The following NAALADL2 variants were observed in gnomAD, a reference collection of about 807,000 sequenced individuals.
The protein encoded by NAALADL2 is inactive N-acetylated-alpha-linked acidic dipeptidase-like protein 2.
Under a neutral mutation model 87.2 loss-of-function variants are expected in NAALADL2, and 76 were observed. That is an observed-to-expected ratio of 0.87 (90% CI 0.72 to 1.05). NAALADL2 has a LOEUF of 1.05. Ranked by LOEUF, NAALADL2 falls within the 50% of genes least tolerant of loss-of-function variation. NAALADL2 has a pLI of 0.00. For synonymous variants in NAALADL2, 354 were observed against 331.0 expected (o/e 1.07, Z -0.75); for missense variants, 1,089 against 945.8 (o/e 1.15, Z -1.99).
At chr3:174,521,085 T>C (rs568259664) in intron 1 of NAALADL2, among the ~76,000 whole-genome samples, 1 of 152,298 alleles carries the variant, frequency 6.6e-6, no homozygotes, top group African/African-American at 2.4e-5. Flanking sequence ...GTACAACCTC[T>C]GTGCAAAACA....
intron 1 of NAALADL2, among the ~76,000 whole-genome samples, chr3:174,900,778 G>A (rs1006005520): frequency 6.6e-6 from 1 of 151,832 alleles, no homozygotes; most frequent in Admixed American, 6.6e-5. Context: ...AACATTGTAT[G>A]CATGTATTTT....
intron 2 of NAALADL2, among the ~76,000 whole-genome samples, chr3:174,617,424 T>G (rs1250562320): frequency 1.3e-5 from 2 of 151,596 alleles, no homozygotes; most frequent in Non-Finnish European, 3.0e-5. Context: ...TAAGAAAAAA[T>G]GATACATTTA....
At chr3:175,081,981 G>A (rs902738590) in intron 1 of NAALADL2, among the ~76,000 whole-genome samples, 2 of 152,094 alleles carry the variant, frequency 1.3e-5, no homozygotes, top group African/African-American at 4.8e-5. Flanking sequence ...TTTTTTCACT[G>A]AAGTCTCACA....
intron 11 of NAALADL2, among the ~76,000 whole-genome samples, chr3:175,706,411 A>C (rs1158478765): frequency 6.6e-6 from 1 of 152,186 alleles, no homozygotes; most frequent in African/African-American, 2.4e-5. Context: ...CTAATAATTA[A>C]ATAGAGCAAT....
At chr3:174,574,327 A>G (rs1007793130) in intron 2 of NAALADL2, among the ~76,000 whole-genome samples, 1 of 152,146 alleles carries the variant, frequency 6.6e-6, no homozygotes, top group Non-Finnish European at 1.5e-5. Flanking sequence ...TTTCACATAC[A>G]TTATATTTTT....
chr3:175,109,791 T>C (rs990395289), intron 2 of NAALADL2, among the ~76,000 whole-genome samples: 1 of 151,820 alleles, frequency 6.6e-6, no homozygotes, highest in Non-Finnish European at 1.5e-5. Flanking sequence ...CTTTACTAAT[T>C]TATTTGGTTT....
chr3:175,655,836 A>G (rs1242233769), intron 11 of NAALADL2, among the ~76,000 whole-genome samples: 1 of 152,166 alleles, frequency 6.6e-6, no homozygotes, highest in Non-Finnish European at 1.5e-5. Flanking sequence ...TGCATGCTAC[A>G]GATGTTAGAA....
At chr3:175,345,360 G>A (rs1763045920) in intron 5 of NAALADL2, among the ~76,000 whole-genome samples, 1 of 152,072 alleles carries the variant, frequency 6.6e-6, no homozygotes, top group South Asian at 2.1e-4. Context: ...AAAGAAGTAA[G>A]GAAGGGATAA....
At chr3:175,705,359 A>G (rs1739536550) in intron 11 of NAALADL2, among the ~76,000 whole-genome samples, 1 of 152,080 alleles carries the variant, frequency 6.6e-6, no homozygotes, top group Non-Finnish European at 1.5e-5. Context: ...GATTTTTTTT[A>G]ATCAAAGTAT....
At chr3:174,599,428 C>G (rs182435431) in intron 2 of NAALADL2, among the ~76,000 whole-genome samples, 3 of 152,120 alleles carry the variant, frequency 2.0e-5, no homozygotes, top group East Asian at 3.9e-4. Flanking sequence ...TTCATAGGCT[C>G]TTGGTACAAA....
At chr3:174,931,957 T>A (rs765459826) in intron 1 of NAALADL2, among the ~76,000 whole-genome samples, 10 of 152,212 alleles carry the variant, frequency 6.6e-5, no homozygotes, top group Non-Finnish European at 1.2e-4. Flanking sequence ...AATGATTGAG[T>A]AGATTCAAAT....
intron 2 of NAALADL2, among the ~76,000 whole-genome samples, chr3:175,154,625 A>G (rs1732032730): frequency 6.6e-6 from 1 of 151,726 alleles, no homozygotes; most frequent in African/African-American, 2.4e-5. Context: ...TAATAATATC[A>G]CAGGTTTTTA....
intron 2 of NAALADL2, among the ~76,000 whole-genome samples, chr3:175,099,184 A>G (rs1010906240): frequency 6.6e-5 from 10 of 152,122 alleles, no homozygotes; most frequent in African/African-American, 2.4e-4. Context: ...CAAATAGGCA[A>G]CTGATTATAA....
chr3:175,469,044 G>T lies in NAALADL2; in HGVS notation c.1533+1860G>T, dbSNP rs375695024. On this transcript the variant is annotated intron_variant, in intron 8 of 13. Transcript: ENST00000454872. ...GGTTATTCCTATTCAAAACAATTAA[G>T]TACCAATGTCTCTGAATGTTTATAT... Among the ~76,000 whole-genome samples, 3 of 151,918 alleles carry T rather than the reference G, an allele frequency of 2.0e-5. No homozygotes were observed. In the East Asian group the frequency reaches 5.8e-4, roughly 29 times the overall value.
At chr3:174,909,319 C>T (rs562959409) in intron 1 of NAALADL2, among the ~76,000 whole-genome samples, 6 of 152,070 alleles carry the variant, frequency 3.9e-5, no homozygotes, top group Admixed American at 1.3e-4. Context: ...GCTTGAATCC[C>T]GGGAGACAGA....
chr3:175,423,441 G>T (rs1318865644), intron 5 of NAALADL2, among the ~76,000 whole-genome samples: 1 of 91,650 alleles, frequency 1.1e-5, no homozygotes, highest in Non-Finnish European at 2.0e-5. Flanking sequence ...AACAGGCCCC[G>T]GTGTGTGATG....
chr3:175,444,586 GC>G (rs1720378897), intron 5 of NAALADL2, among the ~76,000 whole-genome samples: 1 of 152,120 alleles, frequency 6.6e-6, no homozygotes, highest in Admixed American at 6.6e-5. Context: ...TCTCCAAAGG[GC>G]CCCACACTTG....
intron 4 of NAALADL2, among the ~76,000 whole-genome samples, chr3:175,298,218 T>G (rs900978723): frequency 6.6e-6 from 1 of 152,140 alleles, no homozygotes; most frequent in Non-Finnish European, 1.5e-5. Context: ...AAAATCAACC[T>G]GTGGTAAAGC....
intron 10 of NAALADL2, among the ~76,000 whole-genome samples, chr3:175,587,089 C>T (rs1447906162): frequency 6.6e-6 from 1 of 152,108 alleles, no homozygotes; most frequent in Non-Finnish European, 1.5e-5. Flanking sequence ...GCCCTGACTC[C>T]CTCTGATGGA....
Sources: allele counts gnomAD v4.1 joint callset (sites outside exome capture counted in the v4.1 genomes callset), GRCh38; gene constraint gnomAD v4.1.1; transcripts MANE v1.5; gene names NCBI Gene and HGNC (gene_info 2026-07-23, HGNC 2026-07-21).